Variants in DLG2 observed in about 807,000 individuals in gnomAD.
The protein encoded by DLG2 is discs large MAGUK scaffold protein 2, also known as disks large homolog 2.
A neutral mutation model predicts 132.5 loss-of-function variants in DLG2; 45 were observed. The observed-to-expected ratio is 0.34, with a 90% CI of 0.27 to 0.44. The LOEUF is 0.44. Ranked by LOEUF, DLG2 falls within the 20% of genes least tolerant of loss-of-function variation. The probability of loss-of-function intolerance (pLI) is 1.00; values close to 1 mark genes in which losing one functional copy is unlikely to be tolerated. For synonymous variants in DLG2, 424 were observed against 419.6 expected, an observed-to-expected ratio of 1.01 and a Z score of -0.13; for missense variants, 1,045 against 1,196.9, an observed-to-expected ratio of 0.87 and a Z score of 1.87.
chr11:83,459,996 C>T (rs1014236861), intron 27 of DLG2, 72 bp from the exon 28 acceptor site: 7 of 804,424 alleles, frequency 8.7e-6, no homozygotes, highest in African/African-American at 8.5e-5. Context: ...ATCACTTACA[C>T]ATTGGAGGCT....
chr11:84,412,741 G>C (rs1252103923), intron 7 of DLG2, among the ~76,000 whole-genome samples: 1 of 152,106 alleles, frequency 6.6e-6, no homozygotes, highest in African/African-American at 2.4e-5. Flanking sequence ...CCATGGTTTT[G>C]AGCTTTAAGT....
rs1455895124 is a variant in DLG2 at position 85,559,626 on chromosome 11, A to G, written c.40+39031T>C. 2.0e-5 allele frequency among the ~76,000 whole-genome samples: 3 copies of G among 151,694 alleles called. No individual in the cohort carries two copies. In the East Asian group the frequency reaches 5.8e-4, roughly 29 times the overall value. On this transcript the variant is annotated intron_variant, in intron 3 of 27. Coordinates refer to ENST00000376104, the MANE Select transcript of DLG2 (RefSeq NM_001142699.3). ...TTTGTTAACCTAAAAAAATTCTCAA[A>G]AAAAGTAAGTTTGATATAATGGAAA... is the stretch of plus-strand genomic sequence containing the variant.
chr11:84,585,637 T>A (rs1309335370), intron 6 of DLG2, among the ~76,000 whole-genome samples: 1 of 152,240 alleles, frequency 6.6e-6, no homozygotes, highest in Non-Finnish European at 1.5e-5. Context: ...TCCATGACCA[T>A]AGCAGGCCAT....
intron 11 of DLG2, among the ~76,000 whole-genome samples, chr11:84,041,525 G>A (rs1284148261): frequency 2.0e-5 from 3 of 151,784 alleles, no homozygotes; most frequent in Non-Finnish European, 4.4e-5. Context: ...CTTTTAACTT[G>A]CAATTATTTT....
chr11:84,000,251 A>G (rs763151387), intron 11 of DLG2, among the ~76,000 whole-genome samples: 5 of 152,140 alleles, frequency 3.3e-5, no homozygotes, highest in Non-Finnish European at 7.4e-5. Flanking sequence ...GAAAGCTTCA[A>G]CACTAGATTA....
chr11:83,553,556 C>T (rs1394303830), intron 19 of DLG2, among the ~76,000 whole-genome samples: 3 of 148,120 alleles, frequency 2.0e-5, no homozygotes, highest in African/African-American at 7.6e-5. Flanking sequence ...TGTGCTATTA[C>T]ATATTGTAAG....
intron 6 of DLG2, among the ~76,000 whole-genome samples, chr11:84,795,227 G>T (rs900618345): frequency 1.3e-5 from 2 of 152,196 alleles, no homozygotes; most frequent in Admixed American, 1.3e-4. Flanking sequence ...CCCACTGTGG[G>T]TCTCCTCTTT....
At position 84,478,743 on chromosome 11, in the gene DLG2, T is replaced by C. The variant is rs368764580; in HGVS notation, c.519+55827A>G. Among the ~76,000 whole-genome samples the C allele has an allele frequency of 8.5e-5, 13 of 152,238 alleles. No homozygotes were observed. The East Asian group carries it at 2.1e-3, about 25-fold the overall frequency. On this transcript the variant is annotated intron_variant, in intron 7 of 27. Coordinates refer to ENST00000376104, the MANE Select transcript of DLG2 (RefSeq NM_001142699.3). ...TCTTTAAAACACAGTTATATAACTATGTATATTTTTTTCAACACAAAGTGT... is the reference window on the plus strand; with the variant it reads ...TCTTTAAAACACAGTTATATAACTACGTATATTTTTTTCAACACAAAGTGT...
intron 6 of DLG2, among the ~76,000 whole-genome samples, chr11:84,965,277 TTG>T (rs779891711): frequency 4.6e-5 from 7 of 151,016 alleles, no homozygotes; most frequent in East Asian, 1.9e-4. Flanking sequence ...GGCTGGGTTT[TTG>T]TGTGTGTGTG....
intron 3 of DLG2, among the ~76,000 whole-genome samples, chr11:85,381,604 A>G (rs950330578): frequency 4.6e-5 from 7 of 152,140 alleles, no homozygotes; most frequent in Non-Finnish European, 1.0e-4. Context: ...GAAAATACTA[A>G]GGAATTCACA....
At chr11:85,224,158 T>A (rs914966510) in intron 4 of DLG2, among the ~76,000 whole-genome samples, 6 of 152,168 alleles carry the variant, frequency 3.9e-5, no homozygotes, top group African/African-American at 1.4e-4. Flanking sequence ...CATCAGTGTC[T>A]GAGATTATTA....
intron 18 of DLG2, among the ~76,000 whole-genome samples, chr11:83,654,765 A>G (rs2071812617): frequency 1.3e-5 from 2 of 152,264 alleles, no homozygotes; most frequent in Admixed American, 1.3e-4. Context: ...AATGCATGGC[A>G]GCATTTTCTT....
At chr11:83,772,213 G>A (rs889302958) in intron 18 of DLG2, among the ~76,000 whole-genome samples, 1 of 152,010 alleles carries the variant, frequency 6.6e-6, no homozygotes, top group Non-Finnish European at 1.5e-5. Flanking sequence ...TTTGAGGCCA[G>A]CCTGGGCAAC....
intron 7 of DLG2, among the ~76,000 whole-genome samples, chr11:84,294,600 A>T (rs1407427503): frequency 6.6e-6 from 1 of 152,210 alleles, no homozygotes; most frequent in Non-Finnish European, 1.5e-5. Context: ...TCTGTCTCAA[A>T]AAAAATAAAT....
chr11:83,540,306 A>C (rs1204577741), intron 20 of DLG2, among the ~76,000 whole-genome samples: 1 of 152,228 alleles, frequency 6.6e-6, no homozygotes, highest in Non-Finnish European at 1.5e-5. Context: ...TGCTTTAAAC[A>C]TGTAACCTTT....
chr11:85,129,593 C>T (rs377426488), intron 5 of DLG2, among the ~76,000 whole-genome samples: 45 of 152,240 alleles, frequency 3.0e-4, no homozygotes, highest in African/African-American at 9.6e-4. Flanking sequence ...GAAATAGGAA[C>T]GCTTTTACAC....
rs1435729182 is a variant in DLG2, at chr11:84,845,562, A to G, written c.357+266099T>C. Among the ~76,000 whole-genome samples, 3 of 152,096 alleles carry G rather than the reference A, an allele frequency of 2.0e-5. No individual in the cohort carries two copies. In the East Asian group the frequency reaches 5.8e-4, roughly 29 times the overall value. On this transcript the variant is annotated intron_variant, in intron 6 of 27. Coordinates refer to ENST00000376104, the MANE Select transcript of DLG2 (RefSeq NM_001142699.3). ...TATGTCCTTATCTTATAGATCATTGATGAAATCTAATGGACATCTGTTTGT... is the reference window on the plus strand; with the variant it reads ...TATGTCCTTATCTTATAGATCATTGGTGAAATCTAATGGACATCTGTTTGT...
At chr11:83,846,815 C>A (rs2058693737) in intron 16 of DLG2, among the ~76,000 whole-genome samples, 1 of 151,972 alleles carries the variant, frequency 6.6e-6, no homozygotes, top group Admixed American at 6.6e-5. Context: ...AATCTAATAA[C>A]CAAGTTCCAC....
chr11:83,515,434 C>G (rs1170195723), intron 21 of DLG2, among the ~76,000 whole-genome samples: 2 of 151,946 alleles, frequency 1.3e-5, no homozygotes, highest in Non-Finnish European at 1.5e-5. Flanking sequence ...ATTAGTTTTG[C>G]TAGTGGTCTA....
Sources: allele counts gnomAD v4.1 joint callset (sites outside exome capture counted in the v4.1 genomes callset), GRCh38; gene constraint gnomAD v4.1.1; transcripts MANE v1.5; gene names NCBI Gene and HGNC (gene_info 2026-07-23, HGNC 2026-07-21).